PITPNC1: variants seen among roughly 807,000 people sequenced by gnomAD.
The protein encoded by PITPNC1 is phosphatidylinositol transfer protein cytoplasmic 1.
In PITPNC1, 18 loss-of-function variants were observed where a neutral mutation model predicts 44.7. That is an observed-to-expected ratio of 0.40 (90% CI 0.28 to 0.60). The LOEUF (loss-of-function observed/expected upper bound fraction) is 0.60. PITPNC1 is among the 20% of genes least tolerant of loss of function. The probability of loss-of-function intolerance (pLI) is 0.39; values close to 1 mark genes in which losing one functional copy is unlikely to be tolerated. For synonymous variants in PITPNC1, 141 were observed against 149.6 expected (o/e 0.94, Z 0.42); for missense variants, 290 against 418.4 (o/e 0.69, Z 2.68).
At chr17:67,626,892 T>C (rs1023631936) in intron 5 of PITPNC1, among the ~76,000 whole-genome samples, 2 of 152,008 alleles carry the variant, frequency 1.3e-5, no homozygotes, top group African/African-American at 4.8e-5. Context: ...GGAAAGTAGA[T>C]GCTAATGCCT....
intron 2 of PITPNC1, among the ~76,000 whole-genome samples, chr17:67,549,006 T>G (rs914040869): frequency 6.6e-6 from 1 of 152,138 alleles, no homozygotes; most frequent in African/African-American, 2.4e-5. Context: ...AGACAAATGA[T>G]TGGAATAATG....
At chr17:67,619,971 C>T (rs1598895208) in intron 5 of PITPNC1, among the ~76,000 whole-genome samples, 1 of 152,128 alleles carries the variant, frequency 6.6e-6, no homozygotes, top group East Asian at 1.9e-4. Flanking sequence ...TCACCAAGGC[C>T]CAAAGACAGC....
intron 5 of PITPNC1, among the ~76,000 whole-genome samples, chr17:67,579,394 AG>A (rs1197601910): frequency 6.6e-6 from 1 of 152,166 alleles, no homozygotes; most frequent in East Asian, 1.9e-4. Flanking sequence ...AACTTCCCAG[AG>A]GAGAGAAAAA....
At chr17:67,621,630 C>T (rs536731932) in intron 5 of PITPNC1, among the ~76,000 whole-genome samples, 17 of 152,304 alleles carry the variant, frequency 1.1e-4, no homozygotes, top group African/African-American at 3.8e-4. Flanking sequence ...CCTTCTCTTA[C>T]ACATTTTTCC....
intron 1 of PITPNC1, among the ~76,000 whole-genome samples, chr17:67,420,709 G>A (rs758084047): frequency 6.6e-6 from 1 of 152,138 alleles, no homozygotes; most frequent in Non-Finnish European, 1.5e-5. Context: ...TGGGATTACA[G>A]GCGTGAGCCA....
At chr17:67,497,779 C>T (rs1353251763) in intron 1 of PITPNC1, among the ~76,000 whole-genome samples, 1 of 151,442 alleles carries the variant, frequency 6.6e-6, no homozygotes. Context: ...CTGCCTGCCT[C>T]GGCCTCCCAA....
chr17:67,680,310 C>T (rs1237988064), intron 8 of PITPNC1, among the ~76,000 whole-genome samples: 1 of 152,110 alleles, frequency 6.6e-6, no homozygotes. Context: ...AAAAAAATCA[C>T]AACTATAAGG....
chr17:67,656,271 G>A (rs1199329921), intron 6 of PITPNC1, among the ~76,000 whole-genome samples: 1 of 152,152 alleles, frequency 6.6e-6, no homozygotes, highest in Non-Finnish European at 1.5e-5. Flanking sequence ...AGATTTCGAG[G>A]CTCTAGGGGA....
At chr17:67,379,930 T>C (rs371033898) in intron 1 of PITPNC1, among the ~76,000 whole-genome samples, 4 of 152,190 alleles carry the variant, frequency 2.6e-5, no homozygotes, top group African/African-American at 9.6e-5. Context: ...GGTTCCCTTT[T>C]CAGGCTTTCT....
At chr17:67,467,726 A>C (rs1275264307) in intron 1 of PITPNC1, among the ~76,000 whole-genome samples, 1 of 152,204 alleles carries the variant, frequency 6.6e-6, no homozygotes, top group African/African-American at 2.4e-5. Flanking sequence ...AACCAGGTGC[A>C]TGTTGCCTTT....
chr17:67,639,521 CAGAT>C (rs10581192), intron 6 of PITPNC1, among the ~76,000 whole-genome samples: 2,852 of 152,302 alleles, frequency 0.019, 203 homozygotes, highest in Admixed American at 0.13. Flanking sequence ...TGTTTGTACT[CAGAT>C]AGCAACAAAG....
chr17:67,425,244 CACACACACACACACACACAGA>C (rs2038743565), intron 1 of PITPNC1, among the ~76,000 whole-genome samples: 1 of 115,884 alleles, frequency 8.6e-6, no homozygotes, highest in African/African-American at 3.3e-5. Context: ...CACACACACA[CACACACACACACACACACAGA>C]GGGAGAGAGA....
At chr17:67,538,478 T>G (rs1199984517) in intron 2 of PITPNC1, among the ~76,000 whole-genome samples, 1 of 152,130 alleles carries the variant, frequency 6.6e-6, no homozygotes, top group Non-Finnish European at 1.5e-5. Flanking sequence ...CACACAGCTG[T>G]GGTCCCAGCT....
intron 6 of PITPNC1, among the ~76,000 whole-genome samples, chr17:67,666,743 A>G (rs2042428755): frequency 6.6e-6 from 1 of 152,162 alleles, no homozygotes; most frequent in Admixed American, 6.5e-5. Flanking sequence ...CTGGGAGTGC[A>G]CTGTGTTTTT....
At chr17:67,576,287 C>T (rs894077995) in intron 4 of PITPNC1, among the ~76,000 whole-genome samples, 2 of 152,164 alleles carry the variant, frequency 1.3e-5, no homozygotes, top group Admixed American at 1.3e-4. Flanking sequence ...GGCCACCTGG[C>T]TGCATGAGAC....
At chr17:67,458,510 C>T (rs1189132437) in intron 1 of PITPNC1, among the ~76,000 whole-genome samples, 1 of 151,930 alleles carries the variant, frequency 6.6e-6, no homozygotes, top group African/African-American at 2.4e-5. Context: ...CTAAAAGTAC[C>T]ATTTGGCTTG....
At chr17:67,398,769 G>A (rs2038260305) in intron 1 of PITPNC1, among the ~76,000 whole-genome samples, 1 of 151,912 alleles carries the variant, frequency 6.6e-6, no homozygotes. Flanking sequence ...ACCAGTTGTC[G>A]TATAAAATCT....
At chr17:67,536,850 C>G (rs752838729) in intron 2 of PITPNC1, among the ~76,000 whole-genome samples, 5 of 152,126 alleles carry the variant, frequency 3.3e-5, no homozygotes, top group Non-Finnish European at 5.9e-5. Context: ...CTATGCTATT[C>G]AAAGAGAATC....
intron 5 of PITPNC1, among the ~76,000 whole-genome samples, chr17:67,615,077 C>T (rs1245872436): frequency 2.6e-5 from 4 of 152,114 alleles, no homozygotes; most frequent in Admixed American, 2.6e-4. Flanking sequence ...CTTACCCGTG[C>T]CTGGAGGGTT....
Sources: gnomAD v4.1 joint callset for allele counts (sites outside exome capture counted in the v4.1 genomes callset) on GRCh38, gnomAD v4.1.1 for gene constraint, MANE v1.5 for transcripts, NCBI Gene and HGNC (gene_info 2026-07-23, HGNC 2026-07-21) for gene names.